The following BMP2K variants were observed in gnomAD, a reference collection of about 807,000 sequenced individuals.
The protein encoded by BMP2K is BMP2 inducible kinase.
Under a neutral mutation model 116.0 loss-of-function variants are expected in BMP2K, and 74 were observed. The ratio of observed to expected loss-of-function variants is 0.64; its 90% CI spans 0.53 to 0.77. The LOEUF is 0.77. Among genes scored for constraint, BMP2K ranks in the 30% least tolerant of loss-of-function variants. The pLI, the probability that BMP2K is intolerant of heterozygous loss-of-function variation, is 0.00. For missense variants in BMP2K, 1,365 were observed against 1,403.6 expected, an observed-to-expected ratio of 0.97 and a Z score of 0.44; for synonymous variants, 486 against 502.5, an observed-to-expected ratio of 0.97 and a Z score of 0.44.
intron 1 of BMP2K, among the ~76,000 whole-genome samples, chr4:78,801,368 G>GTGTGTGTT (rs930216317): frequency 6.6e-6 from 1 of 151,764 alleles, no homozygotes; most frequent in Non-Finnish European, 1.5e-5. Context: ...GTGTGTGTGT[G>GTGTGTGTT]TGTGTGTGTG....
chr4:78,850,876 TCTTGTTAA>T, intron 6 of BMP2K, 40 bp from the exon 7 acceptor site: 1 of 1,589,060 alleles, frequency 6.3e-7, no homozygotes, highest in Non-Finnish European at 8.5e-7. Flanking sequence ...TATTTTTGTG[TCTTGTTAA>T]CTTGAGCTCT....
Position 78,827,152 on chromosome 4 carries a change from T to A in BMP2K, c.297+997T>A, listed in dbSNP as rs376812696. ...TGTGGAGAACCTTTCTCTGCCCCATTGTTGAACATTATGGACTGTACATTG... is the reference window on the plus strand; with the variant it reads ...TGTGGAGAACCTTTCTCTGCCCCATAGTTGAACATTATGGACTGTACATTG... On this transcript the variant is annotated intron_variant, in intron 2 of 15. Coordinates refer to ENST00000502613, the MANE Select transcript of BMP2K (RefSeq NM_198892.2). 1.5e-4 allele frequency among the ~76,000 whole-genome samples: 23 copies of A among 152,354 alleles called. No individual in the cohort carries two copies. The East Asian group carries it at 2.9e-3, about 19-fold the overall frequency.
chr4:78,781,768 G>C (rs529285265), intron 1 of BMP2K, among the ~76,000 whole-genome samples: 1 of 152,272 alleles, frequency 6.6e-6, no homozygotes, highest in Non-Finnish European at 1.5e-5. Flanking sequence ...CCCAACTTTT[G>C]ATTATGTCTG....
At chr4:78,864,936 A>T (rs1731970445) in intron 9 of BMP2K, among the ~76,000 whole-genome samples, 6 of 152,192 alleles carry the variant, frequency 3.9e-5, no homozygotes, top group Non-Finnish European at 1.5e-5. Flanking sequence ...TGATTTCAAA[A>T]CTGTGTTTAC....
At chr4:78,861,801 A>G (rs1008659321) in intron 9 of BMP2K, among the ~76,000 whole-genome samples, 8 of 151,920 alleles carry the variant, frequency 5.3e-5, no homozygotes, top group Admixed American at 3.9e-4. Context: ...GAGTTTATAG[A>G]TGTTTATTTT....
In BMP2K at chr4:78,776,740, G is replaced by T. The variant is rs1273027519; in HGVS notation, c.178+19G>T. On this transcript the variant is annotated intron_variant, in intron 1 of 15. Transcript: ENST00000502613. Reference sequence around the variant, plus strand: ...GCCGAAGGTACGGGCGCCCGGGGAGGCTCGGACAGGCAGGTGAGGGAGGGT... The same window carrying T: ...GCCGAAGGTACGGGCGCCCGGGGAGTCTCGGACAGGCAGGTGAGGGAGGGT... 3 of 874,554 alleles carry T rather than the reference G, an allele frequency of 3.4e-6. No individual in the cohort carries two copies. The highest frequency in any genetic ancestry group is 2.9e-6 in the Non-Finnish European group (2 of 679,150). The allele number at this position is 874,554 out of a possible 1,614,324, so 54.2% of individuals were successfully genotyped here.
chr4:78,874,967 G>A (rs886364347), intron 13 of BMP2K, among the ~76,000 whole-genome samples: 4 of 152,094 alleles, frequency 2.6e-5, no homozygotes, highest in Admixed American at 1.3e-4. Flanking sequence ...GAAATATTGG[G>A]TTGCATATCT....
intron 1 of BMP2K, among the ~76,000 whole-genome samples, chr4:78,777,814 G>A (rs1560494944): frequency 6.6e-6 from 1 of 152,116 alleles, no homozygotes. Context: ...TAGCACAAGG[G>A]AAAAAACCTG....
At position 78,911,559 on chromosome 4, in the gene BMP2K, A is replaced by G. The variant is rs1399345356; in HGVS notation, c.3012A>G (p.Thr1004=). ...GGCATCATGGCACGCCAACTAGCAC[A>G]AAGAAGACTTTGAAGCCTACCTATC... ...GKRHHGTPTS[T]KKTLKPTYRT... Residue 1004 remains threonine, a synonymous_variant, in exon 16 of 16, where the codon ACA becomes ACG. Transcript: ENST00000502613. The G allele has an allele frequency of 1.9e-6, 3 of 1,614,068 alleles. No individual in the cohort carries two copies. Among genetic ancestry groups the G allele is most frequent in the Non-Finnish European group, 1.7e-6 (2 of 1,179,898 alleles).
rs758861263 is a variant in BMP2K at position 78,870,977 on chromosome 4, C to T, written c.1426C>T (p.Gln476Ter). ...GCAACAGCAACAGCAGCAGCAGCAA[C>T]AGCAACAGCAGCAGCAGCAGCAGCA... is the stretch of plus-strand genomic sequence containing the variant. ...QQQQQQQQQQ[Q>*]QQQQQQQQQQ... The change falls in exon 11 of 16, where the codon CAG becomes TAG. Residue 476 changes from glutamine (Q) to a stop codon, truncating the protein, a stop_gained. Transcript: ENST00000502613. LOFTEE classifies it high-confidence loss of function. 7 of 1,610,202 alleles carry T rather than the reference C, an allele frequency of 4.3e-6. No homozygotes were observed. The highest frequency in any genetic ancestry group is 1.1e-5 in the South Asian group (1 of 90,914).
intron 10 of BMP2K, among the ~76,000 whole-genome samples, chr4:78,866,336 A>G (rs1427950025): frequency 1.3e-5 from 2 of 152,150 alleles, no homozygotes; most frequent in Non-Finnish European, 2.9e-5. Flanking sequence ...CCTTAAAGAA[A>G]TCCTGTTTTG....
intron 1 of BMP2K, among the ~76,000 whole-genome samples, chr4:78,823,160 T>C (rs1729703870): frequency 6.6e-6 from 1 of 152,172 alleles, no homozygotes; most frequent in Non-Finnish European, 1.5e-5. Flanking sequence ...TGATAAGATC[T>C]GTCTAAATTA....
chr4:78,910,853 A>C lies in BMP2K; in HGVS notation c.2306A>C (p.Gln769Pro), dbSNP rs1560559845. The change falls in exon 16 of 16, where the codon CAA becomes CCA. Residue 769 changes from glutamine (Q) to proline (P), a missense_variant. Gln to Pro is a moderately conservative substitution (Grantham distance 76). Transcript: ENST00000502613. ...GATGAAGAAGTTCTTCAGGGGGAACAAGGAGATTTTAATGATGATGATACT... is the reference window on the plus strand; with the variant it reads ...GATGAAGAAGTTCTTCAGGGGGAACCAGGAGATTTTAATGATGATGATACT... ...QDDEEVLQGEQGDFNDDDTEP... is the reference protein window; with the variant it reads ...QDDEEVLQGEPGDFNDDDTEP... The C allele has an allele frequency of 6.2e-7, 1 of 1,613,992 alleles. No individual in the cohort carries two copies. Among genetic ancestry groups the C allele is most frequent in the Non-Finnish European group, 8.5e-7 (1 of 1,179,894 alleles).
chr4:78,861,408 C>G lies in BMP2K; in HGVS notation c.1007C>G (p.Ala336Gly). 1 of 1,605,684 alleles carries G rather than the reference C, an allele frequency of 6.2e-7. No homozygotes were observed. Among genetic ancestry groups the G allele is most frequent in the South Asian group, 1.1e-5 (1 of 89,912 alleles). The change falls in exon 9 of 16, where the codon GCT (alanine) becomes GGT (glycine). Residue 336 changes from alanine (A) to glycine (G), a missense_variant. Transcript: ENST00000502613. ...SNINNSSIPS[A>G]LPEPMTASEA... The stretch of plus-strand genomic sequence containing the variant: ...TCCAAGAATTCTTCTATTCCTTCAG[C>G]TCTTCCTGAACCGATGACTGCTAGT...
chr4:78,814,464 C>T (rs1432902899), intron 1 of BMP2K, among the ~76,000 whole-genome samples: 1 of 152,138 alleles, frequency 6.6e-6, no homozygotes, highest in African/African-American at 2.4e-5. Context: ...GGGAGGGACC[C>T]GTTGGGAAGT....
chr4:78,911,394 C>T lies in BMP2K; in HGVS notation c.2847C>T (p.Ser949=). The T allele has an allele frequency of 6.2e-7, 1 of 1,614,016 alleles. No homozygotes were observed. The highest frequency in any genetic ancestry group is 1.3e-5 in the African/African-American group (1 of 75,068). The change falls in exon 16 of 16, where the codon AGC becomes AGT. Residue 949 remains serine (S), a synonymous_variant. Coordinates refer to ENST00000502613, the MANE Select transcript of BMP2K (RefSeq NM_198892.2). ...PFLTSTSKSE[S]NEDLFGLVPF... is the part of the protein sequence containing the mutation. ...TCACATCAACAAGTAAAAGTGAAAGCAATGAGGACCTTTTTGGGCTTGTGC... is the reference window on the plus strand; with the variant it reads ...TCACATCAACAAGTAAAAGTGAAAGTAATGAGGACCTTTTTGGGCTTGTGC...
At chr4:78,785,605 A>G (rs1490163052) in intron 1 of BMP2K, among the ~76,000 whole-genome samples, 3 of 152,152 alleles carry the variant, frequency 2.0e-5, no homozygotes, top group African/African-American at 7.2e-5. Context: ...CATGCACAAT[A>G]TATGTATTTT....
intron 1 of BMP2K, among the ~76,000 whole-genome samples, chr4:78,817,584 T>C (rs1452395605): frequency 1.3e-5 from 2 of 152,216 alleles, no homozygotes; most frequent in Non-Finnish European, 2.9e-5. Context: ...TACAGCCCTA[T>C]GTTCACCAAC....
intron 15 of BMP2K, among the ~76,000 whole-genome samples, chr4:78,893,064 C>G (rs1017718979): frequency 2.0e-5 from 3 of 152,196 alleles, no homozygotes; most frequent in Non-Finnish European, 4.4e-5. Flanking sequence ...ATTTTTTAAT[C>G]CACAGTAGAA....
Sources: gnomAD v4.1 joint callset for allele counts (sites outside exome capture counted in the v4.1 genomes callset) on GRCh38, gnomAD v4.1.1 for gene constraint, MANE v1.5 for transcripts, NCBI Gene and HGNC (gene_info 2026-07-23, HGNC 2026-07-21) for gene names.